KCNIP4: variants seen among roughly 807,000 people sequenced by gnomAD.
KCNIP4 encodes potassium voltage-gated channel interacting protein 4, also known as Kv channel-interacting protein 4.
A neutral mutation model predicts 34.0 loss-of-function variants in KCNIP4; 12 were observed. The observed-to-expected ratio is 0.35, with a 90% CI of 0.23 to 0.57. The LOEUF (loss-of-function observed/expected upper bound fraction) is 0.57. Ranked by LOEUF, KCNIP4 falls within the 20% of genes least tolerant of loss-of-function variation. The pLI is 0.83. For synonymous variants in KCNIP4, 124 were observed against 102.2 expected (o/e 1.21, Z -1.29); for missense variants, 238 against 311.7 (o/e 0.76, Z 1.78).
At chr4:20,945,948 T>C (rs1331217334) in intron 1 of KCNIP4, among the ~76,000 whole-genome samples, 2 of 151,974 alleles carry the variant, frequency 1.3e-5, no homozygotes, top group Non-Finnish European at 2.9e-5. Context: ...ACAAAGGGAA[T>C]GAGAAAGATA....
At position 21,634,405 on chromosome 4, in the gene KCNIP4, T is replaced by C. The variant is rs6841632; in HGVS notation, c.61+314166A>G. Among the ~76,000 whole-genome samples the C allele has an allele frequency of 3.2e-3, 489 of 152,154 alleles. 3 individuals are homozygous for C. Among genetic ancestry groups the C allele is most frequent in the African/African-American group, 0.011 (466 of 41,540 alleles). On this transcript the variant is annotated intron_variant, in intron 1 of 8. Coordinates refer to ENST00000382152, the MANE Select transcript of KCNIP4 (RefSeq NM_025221.6). ...ACTGAGAAATGTACACTTTATACTT[T>C]ATATAATGTCAATAAACATACGCTA...
chr4:20,732,807 C>CGA (rs764336039), intron 6 of KCNIP4, 22 bp from the exon 7 acceptor site: 7 of 1,370,474 alleles, frequency 5.1e-6, no homozygotes, highest in Non-Finnish European at 7.3e-6. Flanking sequence ...AAGGCACTCA[C>CGA]GTGAGGCTGC....
chr4:21,794,447 G>A (rs4631029), intron 1 of KCNIP4, among the ~76,000 whole-genome samples: 133,980 of 152,164 alleles, frequency 0.88, 59,050 homozygotes, highest in South Asian at 0.92. Flanking sequence ...GGTAGACAGC[G>A]TGAGCACTGA....
intron 1 of KCNIP4, chr4:21,304,113 GGA>G (rs1712151960): frequency 4.8e-6 from 2 of 418,030 alleles, no homozygotes; most frequent in South Asian, 7.0e-5. Context: ...GAGAGACAGA[GGA>G]GAGAGAGGGA....
intron 1 of KCNIP4, among the ~76,000 whole-genome samples, chr4:21,192,862 C>G (rs1755750151): frequency 6.6e-6 from 1 of 151,156 alleles, no homozygotes; most frequent in Admixed American, 6.6e-5. Flanking sequence ...TTGAGACCAA[C>G]TTGGGTAACA....
intron 1 of KCNIP4, among the ~76,000 whole-genome samples, chr4:21,270,504 A>G (rs924672732): frequency 1.3e-5 from 2 of 152,226 alleles, no homozygotes; most frequent in Admixed American, 6.5e-5. Flanking sequence ...TAATTCATCA[A>G]ATAGATCAAG....
chr4:21,206,183 A>G lies in KCNIP4; in HGVS notation c.62-323474T>C, dbSNP rs572451069. On this transcript the variant is annotated intron_variant, in intron 1 of 8. Transcript: ENST00000382152. ...AGGTACCAAATAGGTTCATCTTGAT[A>G]TAAAGTAAAGAATGGAGACTCTTTG... is the stretch of plus-strand genomic sequence containing the variant. Among the ~76,000 whole-genome samples the G allele has an allele frequency of 2.6e-5, 4 of 152,344 alleles. No individual in the cohort carries two copies. The South Asian group carries it at 8.3e-4, about 32-fold the overall frequency.
intron 1 of KCNIP4, among the ~76,000 whole-genome samples, chr4:21,940,570 C>T (rs1313047227): frequency 6.6e-6 from 1 of 152,110 alleles, no homozygotes; most frequent in East Asian, 1.9e-4. Context: ...TCTCAGTCGT[C>T]CCAATACTAA....
chr4:21,412,063 C>G (rs1724556692), intron 1 of KCNIP4, among the ~76,000 whole-genome samples: 1 of 152,116 alleles, frequency 6.6e-6, no homozygotes, highest in African/African-American at 2.4e-5. Flanking sequence ...AGTACTCTAC[C>G]ATGTAAGAAA....
chr4:21,717,451 T>A (rs1227076955), intron 1 of KCNIP4, among the ~76,000 whole-genome samples: 1 of 152,188 alleles, frequency 6.6e-6, no homozygotes, highest in East Asian at 1.9e-4. Context: ...TCAAATGCAC[T>A]TGGATTTAGC....
At chr4:21,843,043 G>A (rs929334705) in intron 1 of KCNIP4, among the ~76,000 whole-genome samples, 7 of 151,982 alleles carry the variant, frequency 4.6e-5, no homozygotes, top group African/African-American at 1.4e-4. Flanking sequence ...TAAATGTTTT[G>A]CTTTATATTA....
At chr4:21,917,070 G>A (rs1158591246) in intron 1 of KCNIP4, among the ~76,000 whole-genome samples, 7 of 152,076 alleles carry the variant, frequency 4.6e-5, no homozygotes, top group African/African-American at 9.7e-5. Flanking sequence ...TTATGTAATC[G>A]ACTAGTGTGA....
At chr4:21,936,254 A>C (rs925544018) in intron 1 of KCNIP4, among the ~76,000 whole-genome samples, 1 of 152,032 alleles carries the variant, frequency 6.6e-6, no homozygotes, top group Non-Finnish European at 1.5e-5. Context: ...CGGTCCCCCC[A>C]TACTGTTCTC....
At chr4:21,298,610 T>G (rs976157174) in intron 1 of KCNIP4, among the ~76,000 whole-genome samples, 2 of 152,262 alleles carry the variant, frequency 1.3e-5, no homozygotes, top group Non-Finnish European at 2.9e-5. Context: ...AGTTTGAGAA[T>G]AAACATTTCT....
intron 1 of KCNIP4, among the ~76,000 whole-genome samples, chr4:20,988,647 A>C (rs989617671): frequency 1.3e-5 from 2 of 152,280 alleles, no homozygotes; most frequent in African/African-American, 4.8e-5. Flanking sequence ...AATACATAGA[A>C]TCACAATGTA....
chr4:20,765,506 T>A (rs1755319273), intron 3 of KCNIP4, among the ~76,000 whole-genome samples: 1 of 152,178 alleles, frequency 6.6e-6, no homozygotes, highest in Non-Finnish European at 1.5e-5. Flanking sequence ...TTTTTAGAAA[T>A]CTTTGGTTTT....
chr4:21,103,926 A>G lies in KCNIP4; in HGVS notation c.62-221217T>C, dbSNP rs1340936807. On this transcript the variant is annotated intron_variant, in intron 1 of 8. Transcript: ENST00000382152. ...GAAGGACATGAACTCATCATTTTTT[A>G]TGGCTGCATAGTATTCCATGGTGTA... Among the ~76,000 whole-genome samples, 3 of 151,996 alleles carry G rather than the reference A, an allele frequency of 2.0e-5. 1 individual carries two copies. The highest frequency in any genetic ancestry group is 1.9e-4 in the East Asian group (1 of 5,152).
intron 1 of KCNIP4, among the ~76,000 whole-genome samples, chr4:21,172,341 T>C (rs769956512): frequency 3.9e-5 from 6 of 152,184 alleles, no homozygotes; most frequent in Non-Finnish European, 8.8e-5. Context: ...CTATTCTGAA[T>C]GTTTTAACTG....
At chr4:21,716,298 G>C (rs10029020) in intron 1 of KCNIP4, among the ~76,000 whole-genome samples, 4 of 151,910 alleles carry the variant, frequency 2.6e-5, no homozygotes, top group East Asian at 1.9e-4. Context: ...GTGCAATGGC[G>C]TGATCTCGGC....
Sources: gnomAD v4.1 joint callset for allele counts (sites outside exome capture counted in the v4.1 genomes callset) on GRCh38, gnomAD v4.1.1 for gene constraint, MANE v1.5 for transcripts, NCBI Gene and HGNC (gene_info 2026-07-23, HGNC 2026-07-21) for gene names.